POLK: variants seen among roughly 807,000 people sequenced by gnomAD.
POLK encodes polymerase (DNA directed) kappa.
In POLK, 76 loss-of-function variants were observed where a neutral mutation model predicts 94.0. The ratio of observed to expected loss-of-function variants is 0.81; its 90% CI spans 0.67 to 0.98. The LOEUF is 0.98. Among genes scored for constraint, POLK ranks in the 50% least tolerant of loss-of-function variants. The probability of loss-of-function intolerance (pLI) is 0.00; values close to 1 mark genes in which losing one functional copy is unlikely to be tolerated. For synonymous variants in POLK, 349 were observed against 325.4 expected, an observed-to-expected ratio of 1.07 and a Z score of -0.78; for missense variants, 954 against 1,010.1, an observed-to-expected ratio of 0.94 and a Z score of 0.75.
At chr5:75,536,524 C>A (rs539637143) in intron 1 of POLK, among the ~76,000 whole-genome samples, 36 of 152,144 alleles carry the variant, frequency 2.4e-4, no homozygotes, top group African/African-American at 6.3e-4. Context: ...GCTGTACCCC[C>A]GGCAAATTCA....
At chr5:75,529,015 C>A (rs1284136625) in intron 1 of POLK, among the ~76,000 whole-genome samples, 1 of 152,102 alleles carries the variant, frequency 6.6e-6, no homozygotes. Flanking sequence ...ATATAGTATT[C>A]CATAGACTTT....
At chr5:75,541,987 A>T (rs1395398665) in intron 1 of POLK, among the ~76,000 whole-genome samples, 1 of 152,228 alleles carries the variant, frequency 6.6e-6, no homozygotes, top group African/African-American at 2.4e-5. Flanking sequence ...AAAGTAGATC[A>T]TATAAGATGT....
At chr5:75,522,895 CT>C (rs1269073083) in intron 1 of POLK, among the ~76,000 whole-genome samples, 3 of 151,900 alleles carry the variant, frequency 2.0e-5, no homozygotes, top group African/African-American at 4.8e-5. Context: ...TGGAAGACTT[CT>C]AAGAAAATAA....
At chr5:75,565,482 A>T (rs1188847322) in intron 3 of POLK, among the ~76,000 whole-genome samples, 1 of 152,082 alleles carries the variant, frequency 6.6e-6, no homozygotes, top group Non-Finnish European at 1.5e-5. Context: ...TGGAATTTTC[A>T]GCCTTTTTGC....
intron 6 of POLK, among the ~76,000 whole-genome samples, chr5:75,580,122 A>C (rs148045915): frequency 2.6e-5 from 4 of 152,166 alleles, no homozygotes; most frequent in South Asian, 2.1e-4. Flanking sequence ...GATGTCTGTC[A>C]TATTTATTTT....
At chr5:75,553,447 TTATC>T (rs1321874327) in intron 3 of POLK, among the ~76,000 whole-genome samples, 2 of 152,216 alleles carry the variant, frequency 1.3e-5, no homozygotes, top group Non-Finnish European at 2.9e-5. Context: ...TATGTTTTCT[TTATC>T]AAACTATACA....
exon 15 of POLK, chr5:75,599,701 A>T (rs1489096041): frequency 1.3e-5 from 2 of 152,136 alleles, no homozygotes; most frequent in African/African-American, 2.4e-5. Context: ...GTTTATTTTT[A>T]TTATCTTCAA....
intron 1 of POLK, among the ~76,000 whole-genome samples, chr5:75,519,539 G>T (rs1768473209): frequency 6.6e-6 from 1 of 152,034 alleles, no homozygotes; most frequent in African/African-American, 2.4e-5. Flanking sequence ...ATCAATATTT[G>T]CTTTATAGAC....
intron 10 of POLK, among the ~76,000 whole-genome samples, chr5:75,588,819 CCCTCCTG>C (rs549607143): frequency 1.3e-5 from 2 of 152,214 alleles, no homozygotes; most frequent in Non-Finnish European, 2.9e-5. Flanking sequence ...CTGACTCTAA[CCCTCCTG>C]CCTCCTTCTT....
At chr5:75,581,472 C>T (rs2112820493) in intron 7 of POLK, 24 bp downstream of exon 7, 3 of 1,596,004 alleles carry the variant, frequency 1.9e-6, no homozygotes, top group Non-Finnish European at 2.6e-6. Flanking sequence ...TATTGATGGC[C>T]ACTGTAGTTA....
intron 8 of POLK, among the ~76,000 whole-genome samples, chr5:75,584,465 T>G (rs1772357712): frequency 1.3e-5 from 2 of 152,056 alleles, no homozygotes; most frequent in Non-Finnish European, 2.9e-5. Flanking sequence ...GGTCAGGAGT[T>G]CAAGACCAGC....
At chr5:75,523,053 CT>C (rs1460837921) in intron 1 of POLK, among the ~76,000 whole-genome samples, 1 of 152,232 alleles carries the variant, frequency 6.6e-6, no homozygotes, top group South Asian at 2.1e-4. Flanking sequence ...TTTCCTTCCC[CT>C]GTCTCAGGGT....
chr5:75,560,050 A>G (rs998902204), intron 3 of POLK, among the ~76,000 whole-genome samples: 6 of 152,222 alleles, frequency 3.9e-5, no homozygotes, highest in East Asian at 1.9e-4. Flanking sequence ...TAAAAAATCT[A>G]TTATAGGGAA....
intron 1 of POLK, among the ~76,000 whole-genome samples, chr5:75,537,529 G>A (rs541027228): frequency 6.6e-6 from 1 of 152,302 alleles, no homozygotes; most frequent in African/African-American, 2.4e-5. Context: ...GTGTTCAGTA[G>A]CCCTTTTGCT....
chr5:75,569,212 G>T, intron 3 of POLK, 128 bp from the exon 4 acceptor site: 2 of 629,408 alleles, frequency 3.2e-6, no homozygotes, highest in Non-Finnish European at 5.4e-6. Flanking sequence ...TGAATGGATG[G>T]ATGGATGGAT....
At chr5:75,511,858 T>C in exon 1 of POLK, 1 of 1,535,338 alleles carries the variant, frequency 6.5e-7, no homozygotes, top group African/African-American at 1.4e-5. Context: ...GGGAAGGGCG[T>C]TGGTCCGTCG....
intron 3 of POLK, among the ~76,000 whole-genome samples, chr5:75,559,363 G>A (rs1022323767): frequency 2.6e-5 from 4 of 151,930 alleles, no homozygotes. Flanking sequence ...TTAAAGCACA[G>A]TCATTTTTGT....
At chr5:75,573,685 A>G in intron 4 of POLK, 53 bp from the exon 5 acceptor site, 1 of 1,450,890 alleles carries the variant, frequency 6.9e-7, no homozygotes, top group Non-Finnish European at 9.7e-7. Context: ...GCATTGATCA[A>G]TATGTCCATT....
Position 75,583,277 on chromosome 5 carries a change from G to A in POLK, c.935-16G>A. On this transcript the variant is annotated splice_polypyrimidine_tract_variant and intron_variant, in intron 7 of 14. Coordinates refer to ENST00000241436, the Ensembl canonical transcript of POLK. Reference sequence around the variant, plus strand: ...ATATCAACTTCTTTGAGTCATCAGAGTATTCTTCTTTTAAGGCATTGCCCC... The same window carrying A: ...ATATCAACTTCTTTGAGTCATCAGAATATTCTTCTTTTAAGGCATTGCCCC... 2 of 1,571,204 alleles carry A rather than the reference G, an allele frequency of 1.3e-6. No homozygotes were observed. The highest frequency in any genetic ancestry group is 1.7e-6 in the Non-Finnish European group (2 of 1,157,770).
Sources: allele counts gnomAD v4.1 joint callset (sites outside exome capture counted in the v4.1 genomes callset), GRCh38; gene constraint gnomAD v4.1.1; transcripts MANE v1.5; gene names NCBI Gene and HGNC (gene_info 2026-07-23, HGNC 2026-07-21).